NEGR1: variants seen among roughly 807,000 people sequenced by gnomAD.
NEGR1 encodes the protein neuronal growth regulator 1.
NEGR1 carries 10 observed loss-of-function variants against 40.9 expected under a neutral mutation model. The observed-to-expected ratio is 0.24, with a 90% CI of 0.15 to 0.42. NEGR1 has a LOEUF of 0.42. Ranked by LOEUF, NEGR1 falls within the 10% of genes least tolerant of loss-of-function variation. The probability of loss-of-function intolerance (pLI) is 1.00; values close to 1 mark genes in which losing one functional copy is unlikely to be tolerated. For missense variants in NEGR1, 352 were observed against 438.9 expected, an observed-to-expected ratio of 0.80 and a Z score of 1.77; for synonymous variants, 185 against 166.8, an observed-to-expected ratio of 1.11 and a Z score of -0.84.
In NEGR1 at chr1:71,406,213, C is replaced by T. The variant is rs1003960371; in HGVS notation, c.*1233G>A. 2 of 151,616 alleles carry T rather than the reference C, an allele frequency of 1.3e-5. No individual in the cohort carries two copies. Among genetic ancestry groups the T allele is most frequent in the African/African-American group, 2.4e-5 (1 of 41,312 alleles). 9.4% of individuals were successfully genotyped at this position (151,616 alleles called of 1,614,324 possible). Reference sequence around the variant, plus strand: ...TTTTAGAGATTGGTCTGCTACATACCGATATAGAATGTTTGTTATAATATA... The same window carrying T: ...TTTTAGAGATTGGTCTGCTACATACTGATATAGAATGTTTGTTATAATATA... On this transcript the variant is annotated 3_prime_UTR_variant, in exon 7 of 7. Coordinates refer to ENST00000357731, the MANE Select transcript of NEGR1 (RefSeq NM_173808.3).
At chr1:71,476,329 T>C (rs752081653) in intron 6 of NEGR1, among the ~76,000 whole-genome samples, 3 of 152,106 alleles carry the variant, frequency 2.0e-5, no homozygotes, top group Non-Finnish European at 4.4e-5. Context: ...CAACAAAAAT[T>C]AAAATCAATA....
rs181247699 is a variant in NEGR1 at position 71,863,165 on chromosome 1, A to T, written c.409+71914T>A. 8.3e-4 allele frequency among the ~76,000 whole-genome samples: 126 copies of T among 152,318 alleles called. 1 individual carries two copies. The highest frequency in any genetic ancestry group is 7.3e-3 in the Admixed American group (112 of 15,288). On this transcript the variant is annotated intron_variant, in intron 2 of 6. Transcript: ENST00000357731. ...CATGCATGCATATGTTCATTGCAGC[A>T]TTATTCACAACAGCAAAGACATGGA...
intron 1 of NEGR1, among the ~76,000 whole-genome samples, chr1:72,239,789 T>C (rs916717257): frequency 8.6e-5 from 13 of 151,666 alleles, no homozygotes; most frequent in Admixed American, 2.0e-4. Context: ...CCAAAAAAAA[T>C]TGAATGAGAA....
At chr1:71,870,244 A>T (rs1660240789) in intron 2 of NEGR1, among the ~76,000 whole-genome samples, 1 of 152,266 alleles carries the variant, frequency 6.6e-6, no homozygotes, top group Admixed American at 6.5e-5. Flanking sequence ...GTCAAACCAA[A>T]TCACTTGCTT....
intron 3 of NEGR1, among the ~76,000 whole-genome samples, chr1:71,704,218 T>C (rs1225369288): frequency 6.6e-6 from 1 of 150,510 alleles, no homozygotes; most frequent in Non-Finnish European, 1.5e-5. Context: ...TTAAAATCAA[T>C]TTTGTAACCT....
rs145664864 is a variant in NEGR1, at chr1:71,899,083, G to T, written c.409+35996C>A. On this transcript the variant is annotated intron_variant, in intron 2 of 6. Coordinates refer to ENST00000357731, the MANE Select transcript of NEGR1 (RefSeq NM_173808.3). ...CTAGGACTTCCATGGAAAAGATTCT[G>T]GGAACAGCAAAATTCTTTTAAGGAA... 4.8e-3 allele frequency among the ~76,000 whole-genome samples: 698 copies of T among 146,392 alleles called. 9 individuals carry two copies. Among genetic ancestry groups the T allele is most frequent in the African/African-American group, 0.017 (667 of 39,244 alleles).
chr1:71,837,488 A>G (rs1240458423), intron 2 of NEGR1, among the ~76,000 whole-genome samples: 1 of 151,984 alleles, frequency 6.6e-6, no homozygotes, highest in Non-Finnish European at 1.5e-5. Context: ...GTTAAAATAC[A>G]TTTTGTTGAT....
chr1:72,155,585 C>T (rs1011181561), intron 1 of NEGR1, among the ~76,000 whole-genome samples: 2 of 151,956 alleles, frequency 1.3e-5, no homozygotes, highest in African/African-American at 4.8e-5. Flanking sequence ...AAATATGTAT[C>T]TTCATTGTCC....
chr1:71,728,942 T>G (rs902554900), intron 3 of NEGR1, among the ~76,000 whole-genome samples: 1 of 152,160 alleles, frequency 6.6e-6, no homozygotes, highest in Non-Finnish European at 1.5e-5. Context: ...GCAGTATTAA[T>G]GTGACAGTGC....
intron 4 of NEGR1, among the ~76,000 whole-genome samples, chr1:71,663,077 CT>C (rs1326222399): frequency 6.6e-6 from 1 of 152,064 alleles, no homozygotes; most frequent in African/African-American, 2.4e-5. Context: ...CTGCCTCAGC[CT>C]CCCGAGTAGC....
intron 1 of NEGR1, among the ~76,000 whole-genome samples, chr1:71,942,962 T>A (rs945306072): frequency 1.6e-5 from 2 of 126,480 alleles, no homozygotes; most frequent in African/African-American, 2.9e-5. Context: ...TAAGTTTGTT[T>A]TATATATATA....
rs1224552202 is a variant in NEGR1, at chr1:71,437,287, A to T, written c.941-29717T>A. Among the ~76,000 whole-genome samples the T allele has an allele frequency of 3.3e-5, 5 of 152,210 alleles. No individual in the cohort carries two copies. The East Asian group carries it at 9.6e-4, about 29-fold the overall frequency. On this transcript the variant is annotated intron_variant, in intron 6 of 6. Coordinates refer to ENST00000357731, the MANE Select transcript of NEGR1 (RefSeq NM_173808.3). ...TGGGATGAGAGGTTTTTAGGGAGTG[A>T]TAACTAAAGGGTAAAATGTTTCTTT...
At chr1:72,163,995 T>G (rs192015546) in intron 1 of NEGR1, among the ~76,000 whole-genome samples, 1 of 151,612 alleles carries the variant, frequency 6.6e-6, no homozygotes, top group African/African-American at 2.4e-5. Context: ...AATTTTAGCT[T>G]GCATACATCT....
intron 1 of NEGR1, among the ~76,000 whole-genome samples, chr1:72,135,367 C>A (rs1437463250): frequency 1.0e-5 from 1 of 99,338 alleles, no homozygotes; most frequent in African/African-American, 4.1e-5. Context: ...CAGAGCGAGA[C>A]TCCGTCTCAA....
intron 6 of NEGR1, among the ~76,000 whole-genome samples, chr1:71,497,892 T>G (rs1049364921): frequency 3.3e-5 from 5 of 152,142 alleles, no homozygotes; most frequent in Admixed American, 3.3e-4. Context: ...ATATCTTCTA[T>G]GTTTTAGTCA....
chr1:72,228,228 G>A (rs931444973), intron 1 of NEGR1, among the ~76,000 whole-genome samples: 2 of 152,140 alleles, frequency 1.3e-5, no homozygotes, highest in African/African-American at 2.4e-5. Context: ...TAAATTGGTG[G>A]ACTCGGAAAA....
At chr1:72,029,899 G>A (rs1646842529) in intron 1 of NEGR1, among the ~76,000 whole-genome samples, 1 of 152,040 alleles carries the variant, frequency 6.6e-6, no homozygotes, top group South Asian at 2.1e-4. Context: ...ATTGAGGTAG[G>A]TTTATGAATT....
At chr1:72,005,435 A>T (rs751727210) in intron 1 of NEGR1, among the ~76,000 whole-genome samples, 27 of 152,154 alleles carry the variant, frequency 1.8e-4, no homozygotes, top group Non-Finnish European at 3.2e-4. Context: ...ACTTCCATCT[A>T]TATATTCTTT....
intron 3 of NEGR1, among the ~76,000 whole-genome samples, chr1:71,749,489 T>C (rs1655497218): frequency 6.6e-6 from 1 of 152,222 alleles, no homozygotes; most frequent in African/African-American, 2.4e-5. Flanking sequence ...TTTGCTATGA[T>C]AATCATACTT....
Sources: allele counts gnomAD v4.1 joint callset (sites outside exome capture counted in the v4.1 genomes callset), GRCh38; gene constraint gnomAD v4.1.1; transcripts MANE v1.5; gene names NCBI Gene and HGNC (gene_info 2026-07-23, HGNC 2026-07-21).